CACNG6: variants seen among roughly 807,000 people sequenced by gnomAD.
The protein encoded by CACNG6 is calcium voltage-gated channel auxiliary subunit gamma 6.
CACNG6 carries 21 observed loss-of-function variants against 23.9 expected under a neutral mutation model. The observed-to-expected ratio is 0.88, with a 90% CI of 0.62 to 1.26. The LOEUF (loss-of-function observed/expected upper bound fraction) is 1.26, where lower values mean the gene tolerates loss of function less well. CACNG6 is among the 50% of genes most tolerant of loss of function. The pLI is 0.00. For synonymous variants in CACNG6, 182 were observed against 168.9 expected, an observed-to-expected ratio of 1.08 and a Z score of -0.60; for missense variants, 340 against 352.9, an observed-to-expected ratio of 0.96 and a Z score of 0.29.
chr19:53,991,419 G>A (rs2069457130), upstream of CACNG6, among the ~76,000 whole-genome samples: 1 of 151,858 alleles, frequency 6.6e-6, no homozygotes, highest in Admixed American at 6.6e-5. Context: ...TTGCCCCTTA[G>A]TGAAATGAAA....
intron 1 of CACNG6, among the ~76,000 whole-genome samples, chr19:53,994,608 G>A (rs1219227144): frequency 4.6e-5 from 7 of 152,140 alleles, no homozygotes; most frequent in African/African-American, 1.4e-4. Flanking sequence ...GAGATCTCCA[G>A]CACTCTTCAG....
At chr19:54,002,216 CCTG>C (rs1205506487) in intron 3 of CACNG6, among the ~76,000 whole-genome samples, 2 of 151,814 alleles carry the variant, frequency 1.3e-5, no homozygotes, top group Non-Finnish European at 2.9e-5. Context: ...CTTTCAGCCT[CCTG>C]AGTAGCTGGG....
At chr19:54,006,124 T>TAAATAAATAAAATAAGA (rs1555819036) in intron 3 of CACNG6, among the ~76,000 whole-genome samples, 1 of 35,476 alleles carries the variant, frequency 2.8e-5, no homozygotes, top group Non-Finnish European at 9.3e-5. Flanking sequence ...ATAAATAAAA[T>TAAATAAATAAAATAAGA]AAGAAAGAAA....
chr19:53,995,014 T>C (rs1281055629), intron 1 of CACNG6, among the ~76,000 whole-genome samples: 1 of 152,122 alleles, frequency 6.6e-6, no homozygotes. Context: ...ATAGCTAGCC[T>C]ATGAGTCGTT....
Position 53,992,804 on chromosome 19 carries a change from G to T in CACNG6, c.-74G>T. 1.9e-6 allele frequency: 2 copies of T among 1,064,474 alleles called. No homozygotes were observed. The highest frequency in any genetic ancestry group is 3.1e-5 in the South Asian group (1 of 32,704). 65.9% of individuals were successfully genotyped at this position (1,064,474 alleles called of 1,614,324 possible). On this transcript the variant is annotated 5_prime_UTR_variant, in exon 1 of 4. Transcript: ENST00000252729. This position sits in a 1 kb window ranked among gnomAD's most constrained non-coding sequence, Gnocchi z 4.1. Reference sequence around the variant, plus strand: ...CTCACCCCCTTCAAGACCCCAGGCCGCTCCTCGCTCCCGCCCCTCGAGGCC... The same window carrying T: ...CTCACCCCCTTCAAGACCCCAGGCCTCTCCTCGCTCCCGCCCCTCGAGGCC...
Position 53,992,636 on chromosome 19 carries a change from A to G in CACNG6, c.-242A>G, listed in dbSNP as rs1007481646. ...TGCCAAGTTCTTGAGGGCAACCTAG[A>G]CCCTCCTCTGAACCCCAGAGGCTTC... On this transcript the variant is annotated 5_prime_UTR_variant, in exon 1 of 4. Coordinates refer to ENST00000252729, the MANE Select transcript of CACNG6 (RefSeq NM_145814.2). The surrounding 1 kb of genome is among the most constrained non-coding windows in gnomAD (Gnocchi z 4.1). 1 of 336,608 alleles carries G rather than the reference A, an allele frequency of 3.0e-6. No homozygotes were observed. The highest frequency in any genetic ancestry group is 5.3e-6 in the Non-Finnish European group (1 of 187,012). The allele number at this position is 336,608 out of a possible 1,614,324, so 20.9% of individuals were successfully genotyped here. A position where few individuals can be genotyped will look rare whatever the true frequency, so the allele number is the denominator to read the frequency against.
At chr19:54,005,210 A>AAATAAATAAAT (rs2069627602) in intron 3 of CACNG6, among the ~76,000 whole-genome samples, 6 of 132,812 alleles carry the variant, frequency 4.5e-5, no homozygotes, top group African/African-American at 1.6e-4. Context: ...CTCCATCTCA[A>AAATAAATAAAT]AAATAAATAA....
At chr19:54,001,878 ACTT>A (rs2069578898) in intron 3 of CACNG6, among the ~76,000 whole-genome samples, 1 of 152,166 alleles carries the variant, frequency 6.6e-6, no homozygotes, top group Admixed American at 6.5e-5. Flanking sequence ...TGGAGTCCCA[ACTT>A]CTTAACAGCC....
intron 3 of CACNG6, among the ~76,000 whole-genome samples, chr19:54,008,577 A>G (rs980757764): frequency 2.6e-5 from 4 of 151,796 alleles, no homozygotes; most frequent in African/African-American, 9.7e-5. Flanking sequence ...CCCAACCCCA[A>G]CTCTCCTTGC....
At chr19:53,996,225 T>TCC in intron 1 of CACNG6, among the ~76,000 whole-genome samples, 1 of 152,320 alleles carries the variant, frequency 6.6e-6, no homozygotes, top group East Asian at 1.9e-4. Flanking sequence ...TTTCTGTGCC[T>TCC]CAGTTTCCCC....
chr19:54,010,040 C>CTTTTTTTTTT (rs34229634), intron 3 of CACNG6, among the ~76,000 whole-genome samples: 19 of 125,350 alleles, frequency 1.5e-4, no homozygotes, highest in East Asian at 4.6e-4. Context: ...TCTTTTCTTT[C>CTTTTTTTTTT]TTTTTTTTTT....
intron 3 of CACNG6, among the ~76,000 whole-genome samples, chr19:54,009,702 A>G (rs79554295): frequency 1.3e-3 from 195 of 151,754 alleles, no homozygotes; most frequent in African/African-American, 4.6e-3. Flanking sequence ...TTTACTGTCT[A>G]TCTCCAAGTA....
chr19:54,011,205 A>ATATATATAT (rs1555819786), intron 3 of CACNG6, among the ~76,000 whole-genome samples: 13 of 102,532 alleles, frequency 1.3e-4, no homozygotes, highest in African/African-American at 2.0e-4. Context: ...AAAAAAAAAA[A>ATATATATAT]ATATATATAT....
intron 3 of CACNG6, among the ~76,000 whole-genome samples, chr19:54,006,517 C>CTTTTTTTTTTTTTTTTTTTTTTTTT (rs1236056716): frequency 1.2e-4 from 13 of 107,324 alleles, no homozygotes; most frequent in Middle Eastern, 5.5e-3. Flanking sequence ...TTCCTTCTTT[C>CTTTTTTTTTTTTTTTTTTTTTTTTT]TTTTCTTTTT....
At chr19:53,998,363 C>T (rs777012220) in intron 2 of CACNG6, 50 bp downstream of exon 2, 26 of 1,529,908 alleles carry the variant, frequency 1.7e-5, no homozygotes, top group South Asian at 5.6e-5. Context: ...AAATGCTGAG[C>T]GTGCTGGAGG....
chr19:53,992,837 G>T lies in CACNG6; in HGVS notation c.-41G>T, dbSNP rs199665246. On this transcript the variant is annotated 5_prime_UTR_variant, in exon 1 of 4. Transcript: ENST00000252729. This position sits in a 1 kb window ranked among gnomAD's most constrained non-coding sequence, Gnocchi z 4.1. The stretch of plus-strand genomic sequence containing the variant: ...CTCCCGCCCCTCGAGGCCCTTCGCC[G>T]GCTCTGCCTCCTCCCCCTTCCCGAC... The T allele has an allele frequency of 1.7e-5, 23 of 1,336,252 alleles. No individual in the cohort carries two copies. Among genetic ancestry groups the T allele is most frequent in the Non-Finnish European group, 2.2e-5 (23 of 1,031,366 alleles). 82.8% of individuals were successfully genotyped at this position (1,336,252 alleles called of 1,614,324 possible).
intron 3 of CACNG6, among the ~76,000 whole-genome samples, chr19:54,005,664 A>T (rs1400989875): frequency 6.6e-6 from 1 of 151,496 alleles, no homozygotes; most frequent in African/African-American, 2.4e-5. Flanking sequence ...GAGGCAGGGG[A>T]ATCACTTGAA....
intron 3 of CACNG6, among the ~76,000 whole-genome samples, chr19:54,002,255 G>A (rs1013105172): frequency 6.1e-5 from 9 of 147,452 alleles, no homozygotes; most frequent in African/African-American, 1.0e-4. Flanking sequence ...CGCCAAGCCC[G>A]GCTAATTTTC....
rs533462270 is a variant in CACNG6 at position 53,998,220 on chromosome 19, C to T, written c.332-19C>T. ...GACCTCACATCCTCATGTCTGTTTTCTCTCTCCTGCTCCCACAGAAGCAAA... is the reference window on the plus strand; with the variant it reads ...GACCTCACATCCTCATGTCTGTTTTTTCTCTCCTGCTCCCACAGAAGCAAA... On this transcript the variant is annotated intron_variant, in intron 1 of 3. Coordinates refer to ENST00000252729, the MANE Select transcript of CACNG6 (RefSeq NM_145814.2). The T allele has an allele frequency of 6.2e-7, 1 of 1,610,518 alleles. No individual in the cohort carries two copies. The highest frequency in any genetic ancestry group is 1.1e-5 in the South Asian group (1 of 90,994).
Sources: allele counts gnomAD v4.1 joint callset (sites outside exome capture counted in the v4.1 genomes callset), GRCh38; gene constraint gnomAD v4.1.1; non-coding constraint Gnocchi (gnomAD v3.1); transcripts MANE v1.5; gene names NCBI Gene and HGNC (gene_info 2026-07-23, HGNC 2026-07-21).